SUN1: variants seen among roughly 807,000 people sequenced by gnomAD.
The protein encoded by SUN1 is SUN domain-containing protein 1.
SUN1 carries 61 observed loss-of-function variants against 103.2 expected under a neutral mutation model. The ratio of observed to expected loss-of-function variants is 0.59; its 90% CI spans 0.48 to 0.73. The LOEUF (loss-of-function observed/expected upper bound fraction) is 0.73, where lower values mean the gene tolerates loss of function less well. SUN1 is among the 30% of genes least tolerant of loss of function. The pLI is 0.00. For synonymous variants in SUN1, 490 were observed against 425.7 expected (o/e 1.15, Z -1.86); for missense variants, 1,052 against 1,034.6 (o/e 1.02, Z -0.23).
upstream of SUN1, chr7:816,111 G>C: frequency 3.9e-6 from 1 of 258,454 alleles, no homozygotes; most frequent in Non-Finnish European, 7.0e-6. Flanking sequence ...CGAAGATGCA[G>C]ACCCTTCCCC....
chr7:841,683 G>T, intron 2 of SUN1: 11 of 392,068 alleles, frequency 2.8e-5, no homozygotes, highest in South Asian at 1.2e-4. Flanking sequence ...GTTTATTTTA[G>T]CTTTTAACCA....
At chr7:830,824 G>A (rs895689861), upstream of SUN1, 15 of 398,434 alleles carry the variant, frequency 3.8e-5, 1 homozygote, top group African/African-American at 1.3e-4. Context: ...AGGGTATAGC[G>A]GGAGTGGGCG....
At chr7:849,127 A>G (rs1819408461) in intron 5 of SUN1, among the ~76,000 whole-genome samples, 1 of 151,964 alleles carries the variant, frequency 6.6e-6, no homozygotes, top group Non-Finnish European at 1.5e-5. Context: ...AATTTTTTGC[A>G]TTTTTACTAA....
chr7:849,413 G>T, intron 5 of SUN1: 1 of 820,176 alleles, frequency 1.2e-6, no homozygotes. Context: ...CTCTGTGGAA[G>T]TGGCTAGCCT....
intron 1 of SUN1, among the ~76,000 whole-genome samples, chr7:834,783 TC>T (rs1376542383): frequency 1.3e-5 from 2 of 151,700 alleles, no homozygotes; most frequent in East Asian, 3.8e-4. Context: ...AAATTTTTTT[TC>T]TCTTTTGGGG....
At chr7:871,850 AAAGAT>A (rs1461328782) in intron 17 of SUN1, among the ~76,000 whole-genome samples, 31 of 152,224 alleles carry the variant, frequency 2.0e-4, no homozygotes, top group African/African-American at 6.0e-4. Context: ...GACTCGGATA[AAAGAT>A]AAGATAGAGC....
chr7:829,577 T>C (rs1166951439), upstream of SUN1, among the ~76,000 whole-genome samples: 4 of 149,254 alleles, frequency 2.7e-5, no homozygotes, highest in South Asian at 4.3e-4. Context: ...TTTTTTGAGA[T>C]GGAGTCTCGC....
intron 5 of SUN1, chr7:849,438 T>C: frequency 3.8e-6 from 4 of 1,063,248 alleles, no homozygotes; most frequent in Non-Finnish European, 5.2e-6. Flanking sequence ...CATCCTCTGA[T>C]CATGTTGACT....
At chr7:857,769 G>C (rs1470226602) in intron 12 of SUN1, 59 bp from the exon 13 acceptor site, 5 of 1,477,070 alleles carry the variant, frequency 3.4e-6, no homozygotes, top group Non-Finnish European at 1.8e-6. Flanking sequence ...TGTGTGTAGT[G>C]TGGGAAGCGT....
Position 848,185 on chromosome 7 carries a change from C to T in SUN1, c.659-3199C>T, listed in dbSNP as rs539727781. On this transcript the variant is annotated intron_variant, in intron 5 of 18. Transcript: ENST00000401592. The stretch of plus-strand genomic sequence containing the variant: ...GGGGGTTACTCTGCAGCACCCTCTC[C>T]GGGATCCCCTGGGGGTTACTCTGCA... Among the ~76,000 whole-genome samples, 15 of 130,030 alleles carry T rather than the reference C, an allele frequency of 1.2e-4. No individual in the cohort carries two copies. The South Asian group carries it at 2.6e-3, about 22-fold the overall frequency. 85.3% of individuals were successfully genotyped at this position (130,030 alleles called of 152,430 possible).
At chr7:838,566 A>G (rs1805844249) in intron 1 of SUN1, among the ~76,000 whole-genome samples, 1 of 152,186 alleles carries the variant, frequency 6.6e-6, no homozygotes, top group Non-Finnish European at 1.5e-5. Flanking sequence ...GCATCTGGGA[A>G]TGTGCTGTCC....
intron 1 of SUN1, among the ~76,000 whole-genome samples, chr7:836,618 G>A (rs572489311): frequency 6.6e-6 from 1 of 152,338 alleles, no homozygotes; most frequent in African/African-American, 2.4e-5. Flanking sequence ...TCCAGCAGGA[G>A]GAGCTCCTTC....
intron 5 of SUN1, among the ~76,000 whole-genome samples, chr7:846,558 G>A (rs1815996715): frequency 6.6e-6 from 1 of 151,878 alleles, no homozygotes; most frequent in African/African-American, 2.4e-5. Flanking sequence ...CTGGGCGAGA[G>A]TGAGACCTGT....
chr7:828,301 T>G (rs1794663700), upstream of SUN1, among the ~76,000 whole-genome samples: 2 of 151,966 alleles, frequency 1.3e-5, no homozygotes, highest in Admixed American at 1.3e-4. Flanking sequence ...AGACAGAGTC[T>G]CACTCTGTCA....
chr7:853,540 T>C lies in SUN1; in HGVS notation c.1185T>C (p.Ala395=). ...ELTTLLQKLQ[A]RVDQMEGGAA... is the part of the protein sequence containing the mutation. ...CCACTTTGCTACAGAAGCTGCAGGC[T>C]CGGGTGGACCAGATGGAAGGCGGCG... The change falls in exon 10 of 19, where the codon GCT becomes GCC. Residue 395 remains alanine, a synonymous_variant. Transcript: ENST00000401592. 6.2e-7 allele frequency: 1 copy of C among 1,613,254 alleles called. No homozygotes were observed. The highest frequency in any genetic ancestry group is 8.5e-7 in the Non-Finnish European group (1 of 1,180,016).
chr7:874,064 T>C lies in SUN1; in HGVS notation c.*733T>C, dbSNP rs1255547978. Reference sequence around the variant, plus strand: ...GGGGTTCTCTGGTCTCAGCAAGGCTTTTCCTGTTGGGAGTCACAGTAAACA... The same window carrying C: ...GGGGTTCTCTGGTCTCAGCAAGGCTCTTCCTGTTGGGAGTCACAGTAAACA... On this transcript the variant is annotated 3_prime_UTR_variant, in exon 19 of 19. Transcript: ENST00000401592. 6.6e-6 allele frequency: 1 copy of C among 152,208 alleles called. No homozygotes were observed. Among genetic ancestry groups the C allele is most frequent in the Non-Finnish European group, 1.5e-5 (1 of 68,042 alleles). 9.4% of individuals were successfully genotyped at this position (152,208 alleles called of 1,614,324 possible). A position where few individuals can be genotyped will look rare whatever the true frequency, so the allele number is the denominator to read the frequency against.
chr7:873,342 C>A lies in SUN1; in HGVS notation c.*11C>A. On this transcript the variant is annotated 3_prime_UTR_variant, in exon 19 of 19. Transcript: ENST00000401592. ...GAACCTGTCAAGTGAAGACACTACTCATTATTTTTGTACATTTTTGTATAT... is the reference window on the plus strand; with the variant it reads ...GAACCTGTCAAGTGAAGACACTACTAATTATTTTTGTACATTTTTGTATAT... 6.2e-7 allele frequency: 1 copy of A among 1,608,892 alleles called. No homozygotes were observed.
chr7:834,958 C>T (rs946004811), intron 1 of SUN1, among the ~76,000 whole-genome samples: 2 of 152,174 alleles, frequency 1.3e-5, no homozygotes, highest in African/African-American at 4.8e-5. Flanking sequence ...CTCCTGTAAT[C>T]CCAGCTACTT....
exon 1 of SUN1, chr7:816,664 C>A (rs1047905879): frequency 2.3e-5 from 6 of 260,164 alleles, no homozygotes; most frequent in African/African-American, 1.2e-4. Context: ...GAGGCGGCGG[C>A]GCGAGGCAGG....
Sources: gnomAD v4.1 joint callset for allele counts (sites outside exome capture counted in the v4.1 genomes callset) on GRCh38, gnomAD v4.1.1 for gene constraint, MANE v1.5 for transcripts, NCBI Gene and HGNC (gene_info 2026-07-23, HGNC 2026-07-21) for gene names.